TNRC6B: variants seen among roughly 807,000 people sequenced by gnomAD.
The protein encoded by TNRC6B is trinucleotide repeat containing adaptor 6B.
Under a neutral mutation model 203.6 loss-of-function variants are expected in TNRC6B, and 52 were observed. The ratio of observed to expected loss-of-function variants is 0.26; its 90% CI spans 0.20 to 0.32. The LOEUF (loss-of-function observed/expected upper bound fraction) is 0.32, where lower values mean the gene tolerates loss of function less well. TNRC6B is among the 10% of genes least tolerant of loss of function. TNRC6B has a pLI of 1.00. For synonymous variants in TNRC6B, 838 were observed against 845.7 expected, an observed-to-expected ratio of 0.99 and a Z score of 0.16; for missense variants, 1,923 against 2,286.2, an observed-to-expected ratio of 0.84 and a Z score of 3.24.
At position 40,324,446 on chromosome 22, in the gene TNRC6B, G is replaced by A; in HGVS notation, c.*1205G>A. The A allele has an allele frequency of 6.6e-6, 1 of 152,624 alleles. No individual in the cohort carries two copies. Among genetic ancestry groups the A allele is most frequent in the East Asian group, 1.9e-4 (1 of 5,202 alleles). The allele number at this position is 152,624 out of a possible 1,614,324, so 9.5% of individuals were successfully genotyped here. A position where few individuals can be genotyped will look rare whatever the true frequency, so the allele number is the denominator to read the frequency against. Reference sequence around the variant, plus strand: ...GAAACTTTGTTCCCTCTTTCCTTATGATCAGGTTTGAGAAATTCTTCAAAA... The same window carrying A: ...GAAACTTTGTTCCCTCTTTCCTTATAATCAGGTTTGAGAAATTCTTCAAAA... On this transcript the variant is annotated 3_prime_UTR_variant, in exon 23 of 23. Coordinates refer to ENST00000454349, the MANE Select transcript of TNRC6B (RefSeq NM_001162501.2).
chr22:40,275,308 A>G (rs1002246610), intron 7 of TNRC6B, among the ~76,000 whole-genome samples: 18 of 152,320 alleles, frequency 1.2e-4, no homozygotes, highest in African/African-American at 3.4e-4. Flanking sequence ...CAAATTAACA[A>G]TGAGACTAAA....
chr22:40,165,437 A>G (rs979753663), intron 4 of TNRC6B, among the ~76,000 whole-genome samples: 2 of 152,042 alleles, frequency 1.3e-5, no homozygotes, highest in East Asian at 1.9e-4. Flanking sequence ...CAACCGCCCA[A>G]AGTACTTGGA....
chr22:40,235,735 A>G (rs9611299), intron 1 of TNRC6B, among the ~76,000 whole-genome samples: 48,764 of 152,092 alleles, frequency 0.32, 9,578 homozygotes, highest in East Asian at 0.57. Flanking sequence ...TATTCCTGCT[A>G]TACTTAAGGA....
At chr22:40,081,307 G>GT (rs34140652) in intron 1 of TNRC6B, among the ~76,000 whole-genome samples, 43,219 of 101,384 alleles carry the variant, frequency 0.43, 10,802 homozygotes, top group East Asian at 0.59. Flanking sequence ...GTGTCTGCGT[G>GT]TTTTTTTTTT....
At chr22:40,136,639 G>C (rs1201841410) in intron 3 of TNRC6B, among the ~76,000 whole-genome samples, 1 of 151,648 alleles carries the variant, frequency 6.6e-6, no homozygotes, top group African/African-American at 2.4e-5. Flanking sequence ...GAACTCCTGG[G>C]CTCAAGAGAT....
intron 3 of TNRC6B, among the ~76,000 whole-genome samples, chr22:40,152,164 A>G (rs113983428): frequency 1.2e-3 from 190 of 152,280 alleles, no homozygotes; most frequent in African/African-American, 4.4e-3. Context: ...CTTTCTTACC[A>G]CTATAAAAAT....
intron 1 of TNRC6B, chr22:40,106,228 C>T (rs1204434038): frequency 1.5e-5 from 5 of 341,072 alleles, no homozygotes; most frequent in East Asian, 5.8e-5. Flanking sequence ...TTCATTTTCT[C>T]GAGGTTGTCT....
Position 40,326,293 on chromosome 22 carries a change from T to C in TNRC6B, c.*3052T>C, listed in dbSNP as rs2071401174. ...TACAAGTTCCTGAAACTTCAGAAAG[T>C]TTAAACAATTTTTACTTAAAAAAAT... On this transcript the variant is annotated 3_prime_UTR_variant, in exon 23 of 23. Coordinates refer to ENST00000454349, the MANE Select transcript of TNRC6B (RefSeq NM_001162501.2). The C allele has an allele frequency of 6.6e-6, 1 of 152,568 alleles. No homozygotes were observed. The highest frequency in any genetic ancestry group is 2.1e-4 in the South Asian group (1 of 4,830). 9.5% of individuals were successfully genotyped at this position (152,568 alleles called of 1,614,324 possible). A position where few individuals can be genotyped will look rare whatever the true frequency, so the allele number is the denominator to read the frequency against.
At chr22:40,264,459 G>T (rs563589305) in intron 4 of TNRC6B, among the ~76,000 whole-genome samples, 4 of 152,148 alleles carry the variant, frequency 2.6e-5, no homozygotes, top group Admixed American at 6.5e-5. Flanking sequence ...AATAGGAATG[G>T]CAAAGGACGT....
intron 1 of TNRC6B, among the ~76,000 whole-genome samples, chr22:40,203,877 G>C (rs954910181): frequency 1.3e-5 from 2 of 152,218 alleles, no homozygotes; most frequent in Non-Finnish European, 2.9e-5. Context: ...AGGGTGTCCA[G>C]CATCGGCGTG....
chr22:40,250,994 C>T (rs1429742167), intron 2 of TNRC6B, among the ~76,000 whole-genome samples, 185 bp from the exon 3 acceptor site: 2 of 146,900 alleles, frequency 1.4e-5, no homozygotes, highest in Non-Finnish European at 3.0e-5. Flanking sequence ...TAAATTATAG[C>T]TGGACATATG....
intron 1 of TNRC6B, among the ~76,000 whole-genome samples, chr22:40,219,032 A>G (rs1429437854): frequency 6.6e-6 from 1 of 152,240 alleles, no homozygotes; most frequent in Non-Finnish European, 1.5e-5. Flanking sequence ...TAGGCAGATG[A>G]CATCATACAC....
intron 1 of TNRC6B, among the ~76,000 whole-genome samples, chr22:40,242,382 A>T (rs1414455083): frequency 1.3e-5 from 2 of 151,828 alleles, no homozygotes; most frequent in African/African-American, 4.8e-5. Context: ...CATTTGTGTA[A>T]CTTATTTTCT....
chr22:40,261,684 G>C (rs2070385181), intron 3 of TNRC6B, 148 bp from the exon 4 acceptor site: 1 of 577,242 alleles, frequency 1.7e-6, no homozygotes, highest in Non-Finnish European at 2.7e-6. Flanking sequence ...GCCAAGGTGG[G>C]AGAGTCCCTT....
intron 1 of TNRC6B, among the ~76,000 whole-genome samples, chr22:40,087,882 G>A (rs1335191489): frequency 6.6e-6 from 1 of 152,136 alleles, no homozygotes; most frequent in Non-Finnish European, 1.5e-5. Flanking sequence ...CAGATGTACA[G>A]CGTTTGGTGA....
At chr22:40,192,590 A>T (rs570450017) in intron 1 of TNRC6B, among the ~76,000 whole-genome samples, 1 of 152,140 alleles carries the variant, frequency 6.6e-6, no homozygotes, top group African/African-American at 2.4e-5. Flanking sequence ...GCATTCCTGC[A>T]TAGGCAACTG....
At chr22:40,276,414 C>G (rs764816229) in intron 7 of TNRC6B, among the ~76,000 whole-genome samples, 1 of 152,158 alleles carries the variant, frequency 6.6e-6, no homozygotes, top group South Asian at 2.1e-4. Context: ...AGCCCCAGCC[C>G]ACCCAGTCCT....
intron 19 of TNRC6B, among the ~76,000 whole-genome samples, chr22:40,313,994 C>G (rs1390782429): frequency 6.6e-6 from 1 of 152,200 alleles, no homozygotes; most frequent in Non-Finnish European, 1.5e-5. Flanking sequence ...TTTTGAACCA[C>G]CACCCTACAT....
intron 1 of TNRC6B, among the ~76,000 whole-genome samples, chr22:40,083,141 A>G (rs964040543): frequency 6.6e-6 from 1 of 152,212 alleles, no homozygotes; most frequent in African/African-American, 2.4e-5. Flanking sequence ...GCATTTAAGG[A>G]TAGAATCAGA....
Sources: allele counts gnomAD v4.1 joint callset (sites outside exome capture counted in the v4.1 genomes callset), GRCh38; gene constraint gnomAD v4.1.1; transcripts MANE v1.5; gene names NCBI Gene and HGNC (gene_info 2026-07-23, HGNC 2026-07-21).